The following CCNY variants were observed in gnomAD, a reference collection of about 807,000 sequenced individuals.
CCNY encodes the protein cyclin Y.
A neutral mutation model predicts 42.8 loss-of-function variants in CCNY; 19 were observed. The ratio of observed to expected loss-of-function variants is 0.44; its 90% CI spans 0.31 to 0.65. The LOEUF (loss-of-function observed/expected upper bound fraction) is 0.65, where lower values mean the gene tolerates loss of function less well. Among genes scored for constraint, CCNY ranks in the 30% least tolerant of loss-of-function variants. CCNY has a pLI of 0.07. For synonymous variants in CCNY, 165 were observed against 162.7 expected (o/e 1.01, Z -0.11); for missense variants, 370 against 437.3 (o/e 0.85, Z 1.37).
rs56166117 is a variant in CCNY, at chr10:35,247,875, C to CA, written c.-216-218dup. Among the ~76,000 whole-genome samples, 575 of 57,856 alleles carry CA rather than the reference C, an allele frequency of 9.9e-3. 4 individuals are homozygous for CA. The highest frequency in any genetic ancestry group is 0.014 in the African/African-American group (252 of 18,196). The allele number at this position is 57,856 out of a possible 152,430, so 38.0% of individuals were successfully genotyped here. On this transcript the variant is annotated intron_variant, in intron 1 of 11. Transcript: ENST00000374706. ...TGGGTGACAGAGCAAGACTCCATCT[C>CA]AAAAAAAAAAAAAAAAGAAAAGAAA...
At chr10:35,287,969 A>T (rs902950688) in intron 3 of CCNY, among the ~76,000 whole-genome samples, 1 of 152,188 alleles carries the variant, frequency 6.6e-6, no homozygotes, top group Admixed American at 6.6e-5. Context: ...TTTCTTGGGT[A>T]AATACCTAGG....
At chr10:35,385,222 T>A (rs1837278003) in intron 1 of CCNY, among the ~76,000 whole-genome samples, 1 of 152,246 alleles carries the variant, frequency 6.6e-6, no homozygotes, top group Non-Finnish European at 1.5e-5. Flanking sequence ...TATAGCAATA[T>A]GTGAATTCAA....
intron 3 of CCNY, among the ~76,000 whole-genome samples, chr10:35,283,765 G>C (rs923409418): frequency 6.7e-6 from 1 of 148,206 alleles, no homozygotes; most frequent in Admixed American, 6.9e-5. Flanking sequence ...ATAGTGTACT[G>C]CTTCATAACG....
chr10:35,532,236 C>T (rs1222344297), intron 7 of CCNY, among the ~76,000 whole-genome samples: 1 of 152,232 alleles, frequency 6.6e-6, no homozygotes, highest in African/African-American at 2.4e-5. Context: ...GATTGTTCTT[C>T]CCTCCTCGTG....
chr10:35,536,762 G>A (rs1333970119), intron 7 of CCNY, among the ~76,000 whole-genome samples: 5 of 152,164 alleles, frequency 3.3e-5, no homozygotes, highest in African/African-American at 9.7e-5. Flanking sequence ...AAATTTCCAA[G>A]CAGCAAAGTA....
At chr10:35,549,002 A>T (rs938997495) in intron 7 of CCNY, among the ~76,000 whole-genome samples, 2 of 152,162 alleles carry the variant, frequency 1.3e-5, no homozygotes, top group African/African-American at 4.8e-5. Flanking sequence ...AGTAATCTGA[A>T]CACAGAACAA....
At chr10:35,272,354 T>C (rs1835180673) in intron 3 of CCNY, among the ~76,000 whole-genome samples, 3 of 152,140 alleles carry the variant, frequency 2.0e-5, no homozygotes, top group Non-Finnish European at 4.4e-5. Context: ...GATAAACCTG[T>C]ATCATGGAGG....
chr10:35,443,337 AAC>A (rs1328525341), intron 1 of CCNY, among the ~76,000 whole-genome samples: 1 of 152,256 alleles, frequency 6.6e-6, no homozygotes. Flanking sequence ...CTTTTGAAAT[AAC>A]AGTTATAACA....
intron 9 of CCNY, among the ~76,000 whole-genome samples, chr10:35,568,735 G>A (rs139338827): frequency 1.1e-4 from 16 of 152,352 alleles, no homozygotes; most frequent in East Asian, 1.9e-4. Context: ...AACAGCACGC[G>A]TGTGGGTGGG....
intron 1 of CCNY, among the ~76,000 whole-genome samples, chr10:35,456,713 G>C (rs1017630111): frequency 1.3e-5 from 2 of 152,184 alleles, no homozygotes; most frequent in Non-Finnish European, 2.9e-5. Flanking sequence ...GAACCAGAAT[G>C]TTTGAAGGGC....
rs1836041384 is a variant in CCNY at position 35,336,746 on chromosome 10, G to T, written c.-308G>T. 2 of 147,126 alleles carry T rather than the reference G, an allele frequency of 1.4e-5. No individual in the cohort carries two copies. The highest frequency in any genetic ancestry group is 4.9e-5 in the African/African-American group (2 of 40,904). 9.1% of individuals were successfully genotyped at this position (147,126 alleles called of 1,614,324 possible). A position where few individuals can be genotyped will look rare whatever the true frequency, so the allele number is the denominator to read the frequency against. ...CGGCGCCGCCCGCCATGGCCGCGGC[G>T]GGGTGAGGTAGGCGCGGCGGCCGCA... On this transcript the variant is annotated 5_prime_UTR_variant, in exon 1 of 10. Transcript: ENST00000374704.
intron 1 of CCNY, among the ~76,000 whole-genome samples, chr10:35,339,793 G>A (rs904456486): frequency 6.6e-6 from 1 of 152,086 alleles, no homozygotes; most frequent in African/African-American, 2.4e-5. Context: ...TGGGAACTTA[G>A]GTGTCTATGG....
intron 3 of CCNY, among the ~76,000 whole-genome samples, chr10:35,302,574 G>A (rs528521821): frequency 4.1e-4 from 62 of 152,208 alleles, no homozygotes; most frequent in African/African-American, 1.4e-3. Context: ...GCCTCCCAAA[G>A]TGCTGGGATT....
At chr10:35,432,021 A>T (rs1453951371) in intron 1 of CCNY, among the ~76,000 whole-genome samples, 1 of 152,236 alleles carries the variant, frequency 6.6e-6, no homozygotes, top group Non-Finnish European at 1.5e-5. Context: ...GGCACCAGCA[A>T]AGATAAGGAG....
intron 3 of CCNY, among the ~76,000 whole-genome samples, chr10:35,324,384 C>G (rs1405015536): frequency 1.3e-5 from 2 of 152,176 alleles, no homozygotes; most frequent in Non-Finnish European, 2.9e-5. Context: ...AATCTGAATA[C>G]CTATAACATT....
At chr10:35,314,127 T>C (rs192700002) in intron 3 of CCNY, among the ~76,000 whole-genome samples, 58 of 152,004 alleles carry the variant, frequency 3.8e-4, no homozygotes, top group Non-Finnish European at 6.8e-4. Context: ...GTAATCCCAA[T>C]CTCATATTTT....
At chr10:35,312,384 A>G (rs12778009) in intron 3 of CCNY, among the ~76,000 whole-genome samples, 1 of 65,872 alleles carries the variant, frequency 1.5e-5, no homozygotes, top group African/African-American at 6.8e-5. Context: ...CTGTGTCACA[A>G]AAAAAAAAAA....
intron 1 of CCNY, among the ~76,000 whole-genome samples, chr10:35,471,776 C>A (rs1839396219): frequency 6.6e-6 from 1 of 152,090 alleles, no homozygotes; most frequent in South Asian, 2.1e-4. Context: ...ACATCATAAA[C>A]AAAAAATAGG....
rs911239190 is a variant in CCNY at position 35,553,162 on chromosome 10, G to C, written c.723G>C (p.Leu241=). The C allele has an allele frequency of 3.1e-6, 5 of 1,614,218 alleles. No homozygotes were observed. Among genetic ancestry groups the C allele is most frequent in the Non-Finnish European group, 4.2e-6 (5 of 1,180,018 alleles). ...AVWNVDYCQI[L]KDITVEDMNE... ...GGAATGTGGATTACTGCCAGATCCTGAAAGACATCACGGTGGAGGACATGT... is the reference window on the plus strand; with the variant it reads ...GGAATGTGGATTACTGCCAGATCCTCAAAGACATCACGGTGGAGGACATGT... The change falls in exon 8 of 10, where the codon CTG becomes CTC. Residue 241 remains leucine (L), a synonymous_variant. Transcript: ENST00000374704.
Sources: allele counts gnomAD v4.1 joint callset (sites outside exome capture counted in the v4.1 genomes callset), GRCh38; gene constraint gnomAD v4.1.1; transcripts MANE v1.5; gene names NCBI Gene and HGNC (gene_info 2026-07-23, HGNC 2026-07-21).